The following BCO1 variants were observed in gnomAD, a reference collection of about 807,000 sequenced individuals.
BCO1 encodes the protein beta-carotene oxygenase 1, also known as beta,beta-carotene 15,15'-dioxygenase.
BCO1 carries 54 observed loss-of-function variants against 56.3 expected under a neutral mutation model. The ratio of observed to expected loss-of-function variants is 0.96; its 90% CI spans 0.77 to 1.20. The LOEUF is 1.20. BCO1 is among the 50% of genes most tolerant of loss of function. BCO1 has a pLI of 0.00. For synonymous variants in BCO1, 318 were observed against 266.1 expected, an observed-to-expected ratio of 1.20 and a Z score of -1.90; for missense variants, 801 against 690.9, an observed-to-expected ratio of 1.16 and a Z score of -1.79.
chr16:81,289,592 G>A (rs927923377), intron 10 of BCO1, among the ~76,000 whole-genome samples: 2 of 152,158 alleles, frequency 1.3e-5, no homozygotes, highest in Non-Finnish European at 2.9e-5. Flanking sequence ...AGTGAGCTGT[G>A]ATCACACCAC....
At chr16:81,280,680 C>T (rs531060508) in intron 7 of BCO1, among the ~76,000 whole-genome samples, 177 bp from the exon 8 acceptor site, 167 of 152,300 alleles carry the variant, frequency 1.1e-3, no homozygotes, top group African/African-American at 3.7e-3. Flanking sequence ...GGCCAATCCT[C>T]ATTTTTTAAA....
At chr16:81,287,231 A>C in intron 9 of BCO1, 64 bp from the exon 10 acceptor site, 2 of 1,245,572 alleles carry the variant, frequency 1.6e-6, no homozygotes, top group Non-Finnish European at 2.4e-6. Context: ...ATGCACTCCT[A>C]TTTGCAGAGA....
intron 3 of BCO1, among the ~76,000 whole-genome samples, chr16:81,261,750 T>C (rs1310444099): frequency 1.3e-5 from 2 of 152,106 alleles, no homozygotes; most frequent in African/African-American, 4.8e-5. Flanking sequence ...AGCATTTTTT[T>C]TTTTTCTTTG....
chr16:81,273,072 C>T (rs569200981), intron 7 of BCO1, among the ~76,000 whole-genome samples: 36 of 152,058 alleles, frequency 2.4e-4, no homozygotes, highest in Admixed American at 5.2e-4. Flanking sequence ...TGGGTTCTAG[C>T]GATTCTCCTG....
intron 6 of BCO1, 83 bp from the exon 7 acceptor site, chr16:81,270,076 G>T (rs753085910): frequency 3.9e-6 from 6 of 1,557,724 alleles, no homozygotes; most frequent in Non-Finnish European, 5.3e-6. Context: ...TCCTGGCGGG[G>T]CTGGGTTTTG....
intron 1 of BCO1, among the ~76,000 whole-genome samples, chr16:81,244,816 C>G (rs1030001220): frequency 6.6e-6 from 1 of 150,862 alleles, no homozygotes; most frequent in African/African-American, 2.4e-5. Context: ...AGCTCCCAGG[C>G]TCAAGCGATC....
intron 1 of BCO1, among the ~76,000 whole-genome samples, chr16:81,241,022 C>T (rs1021879789): frequency 3.3e-5 from 5 of 151,906 alleles, no homozygotes; most frequent in African/African-American, 1.2e-4. Flanking sequence ...TTAGCTGAAA[C>T]AGGGTATCTC....
At chr16:81,258,961 G>A (rs1906312690) in intron 2 of BCO1, among the ~76,000 whole-genome samples, 1 of 151,726 alleles carries the variant, frequency 6.6e-6, no homozygotes, top group African/African-American at 2.4e-5. Context: ...GAGGAGGGAG[G>A]GATCTTTTAA....
intron 2 of BCO1, among the ~76,000 whole-genome samples, chr16:81,247,755 A>C (rs909145386): frequency 3.3e-5 from 5 of 151,704 alleles, no homozygotes; most frequent in African/African-American, 1.2e-4. Context: ...CGAACTTCCA[A>C]CCTCAGGTGA....
At chr16:81,260,505 T>C (rs760764278) in intron 3 of BCO1, among the ~76,000 whole-genome samples, 6 of 152,268 alleles carry the variant, frequency 3.9e-5, no homozygotes, top group Middle Eastern at 3.4e-3. Context: ...CATTTCATTT[T>C]ATTCATTTAT....
chr16:81,249,347 C>T (rs1905640032), intron 2 of BCO1, among the ~76,000 whole-genome samples: 1 of 152,050 alleles, frequency 6.6e-6, no homozygotes, highest in African/African-American at 2.4e-5. Context: ...AACTCCACCT[C>T]CCGGGTTCAC....
At chr16:81,247,496 CTATTT>C (rs901779431) in intron 2 of BCO1, among the ~76,000 whole-genome samples, 6 of 151,878 alleles carry the variant, frequency 4.0e-5, no homozygotes, top group East Asian at 1.9e-4. Context: ...GACCCCATTT[CTATTT>C]TATTTTATTT....
intron 2 of BCO1, among the ~76,000 whole-genome samples, chr16:81,251,658 T>A (rs1388832801): frequency 6.6e-6 from 1 of 151,912 alleles, no homozygotes; most frequent in Non-Finnish European, 1.5e-5. Flanking sequence ...ACAAGAACAC[T>A]CCTTTCTGTA....
chr16:81,262,361 C>T (rs1906542166), intron 4 of BCO1, 78 bp downstream of exon 4: 13 of 1,515,046 alleles, frequency 8.6e-6, no homozygotes, highest in Middle Eastern at 3.4e-4. Flanking sequence ...TGAGGTTGCT[C>T]AGCCTGCAAG....
chr16:81,269,126 C>A (rs946108952), intron 6 of BCO1, among the ~76,000 whole-genome samples: 2 of 111,294 alleles, frequency 1.8e-5, no homozygotes, highest in African/African-American at 7.3e-5. Context: ...TCCAGTAGTT[C>A]TCAGTGTTAC....
At chr16:81,241,079 CCG>C (rs1905084956) in intron 1 of BCO1, among the ~76,000 whole-genome samples, 1 of 152,106 alleles carries the variant, frequency 6.6e-6, no homozygotes, top group Admixed American at 6.5e-5. Context: ...GTTGATCCGC[CCG>C]TGTTGGCCTC....
At position 81,280,324 on chromosome 16, in the gene BCO1, GACACAC is replaced by G. The variant is rs10607036; in HGVS notation, c.1102-511_1102-506del. ...AAAAAAAAAATTACACACACACACA[GACACAC>G]ACACACACACACACACACACATTTA... is the stretch of plus-strand genomic sequence containing the variant. On this transcript the variant is annotated intron_variant, in intron 7 of 10. Coordinates refer to ENST00000258168, the MANE Select transcript of BCO1 (RefSeq NM_017429.3). 6.9e-4 allele frequency among the ~76,000 whole-genome samples: 78 copies of G among 113,430 alleles called. 1 individual carries two copies. The highest frequency in any genetic ancestry group is 2.2e-3 in the African/African-American group (73 of 33,442). The allele number at this position is 113,430 out of a possible 152,430, so 74.4% of individuals were successfully genotyped here.
Position 81,259,730 on chromosome 16 carries a change from T to C in BCO1, c.248T>C (p.Ile83Thr), listed in dbSNP as rs1319211402. 1 of 1,614,192 alleles carries C rather than the reference T, an allele frequency of 6.2e-7. No individual in the cohort carries two copies. Among genetic ancestry groups the C allele is most frequent in the Non-Finnish European group, 8.5e-7 (1 of 1,180,026 alleles). ...YLRSDTYNTN[I>T]EANRIVVSEF... ...AGAAGCGATACCTACAACACCAATA[T>C]TGAGGCAAACAGGATTGTGGTGTCT... The change falls in exon 3 of 11, where the codon ATT becomes ACT. Residue 83 changes from isoleucine to threonine, a missense_variant. By Grantham distance (89) the Ile-to-Thr change is moderately conservative. Coordinates refer to ENST00000258168, the MANE Select transcript of BCO1 (RefSeq NM_017429.3).
At chr16:81,264,858 T>A (rs1258491968) in intron 5 of BCO1, 71 bp downstream of exon 5, 2 of 1,556,086 alleles carry the variant, frequency 1.3e-6, no homozygotes, top group Non-Finnish European at 1.8e-6. Context: ...GTTCTGTTTT[T>A]CGTTGATGAC....
Sources: gnomAD v4.1 joint callset for allele counts (sites outside exome capture counted in the v4.1 genomes callset) on GRCh38, gnomAD v4.1.1 for gene constraint, MANE v1.5 for transcripts, NCBI Gene and HGNC (gene_info 2026-07-23, HGNC 2026-07-21) for gene names.